The following KCNH8 variants were observed in gnomAD, a reference collection of about 807,000 sequenced individuals.
KCNH8 encodes the protein potassium voltage-gated channel subfamily H member 8, also known as voltage-gated delayed rectifier potassium channel KCNH8.
A neutral mutation model predicts 103.6 loss-of-function variants in KCNH8; 70 were observed. The observed-to-expected ratio is 0.68, with a 90% CI of 0.56 to 0.82. KCNH8 has a LOEUF of 0.82. Ranked by LOEUF, KCNH8 falls within the 40% of genes least tolerant of loss-of-function variation. The pLI is 0.00. For missense variants in KCNH8, 1,217 were observed against 1,329.9 expected, an observed-to-expected ratio of 0.92 and a Z score of 1.32; for synonymous variants, 498 against 489.4, an observed-to-expected ratio of 1.02 and a Z score of -0.23.
At chr3:19,507,851 T>G (rs2068722122) in intron 11 of KCNH8, among the ~76,000 whole-genome samples, 1 of 152,166 alleles carries the variant, frequency 6.6e-6, no homozygotes, top group Non-Finnish European at 1.5e-5. Context: ...AATGGCGGCT[T>G]GCCTCTGTGG....
At chr3:19,375,185 A>G (rs1054609196) in intron 5 of KCNH8, among the ~76,000 whole-genome samples, 1 of 152,014 alleles carries the variant, frequency 6.6e-6, no homozygotes, top group Non-Finnish European at 1.5e-5. Flanking sequence ...CTCCTGGATA[A>G]TATCCTGCAG....
chr3:19,232,811 G>A (rs1252787707), intron 1 of KCNH8, among the ~76,000 whole-genome samples: 2 of 152,072 alleles, frequency 1.3e-5, no homozygotes, highest in African/African-American at 4.8e-5. Context: ...AATTGGCATG[G>A]GTCACGTGTA....
chr3:19,440,560 T>C (rs1282550709), intron 8 of KCNH8, among the ~76,000 whole-genome samples: 1 of 152,104 alleles, frequency 6.6e-6, no homozygotes, highest in Non-Finnish European at 1.5e-5. Flanking sequence ...GCTTATTTAC[T>C]ATCAGGAGAA....
At chr3:19,225,483 A>AT (rs2063920575) in intron 1 of KCNH8, among the ~76,000 whole-genome samples, 1 of 152,104 alleles carries the variant, frequency 6.6e-6, no homozygotes. Flanking sequence ...GAATATGTTG[A>AT]TATAGGCCTA....
At chr3:19,291,145 T>G (rs1481494267) in intron 3 of KCNH8, among the ~76,000 whole-genome samples, 2 of 152,196 alleles carry the variant, frequency 1.3e-5, no homozygotes, top group South Asian at 2.1e-4. Context: ...TTCTTCTTTA[T>G]TAGTCTTGCT....
At position 19,451,365 on chromosome 3, in the gene KCNH8, A is replaced by G; in HGVS notation, c.1786A>G (p.Met596Val). 1 of 1,613,810 alleles carries G rather than the reference A, an allele frequency of 6.2e-7. No individual in the cohort carries two copies. Among genetic ancestry groups the G allele is most frequent in the Non-Finnish European group, 8.5e-7 (1 of 1,179,812 alleles). ...CATCTACTTTGTATGCTCGGGCTCC[A>G]TGGAAGTTCTTAAAGACAGCATGGT... Reference protein sequence around the residue: ...QAIYFVCSGSMEVLKDSMVLA... With the variant: ...QAIYFVCSGSVEVLKDSMVLA... Residue 596 changes from methionine to valine, a missense_variant, in exon 10 of 16, where the codon ATG becomes GTG. Physicochemically the swap from Met to Val is conservative, Grantham distance 21. Around this residue, in one of 3 missense-constraint regions of KCNH8, gnomAD observed 415 missense variants for 577.4 expected, o/e 0.72. Transcript: ENST00000328405.
intron 5 of KCNH8, among the ~76,000 whole-genome samples, chr3:19,357,818 A>T (rs1257344419): frequency 6.6e-6 from 1 of 151,934 alleles, no homozygotes. Context: ...AGGACATCTG[A>T]AAAAACAGGA....
At chr3:19,480,118 C>A (rs780159922) in intron 11 of KCNH8, among the ~76,000 whole-genome samples, 1 of 152,186 alleles carries the variant, frequency 6.6e-6, no homozygotes, top group Non-Finnish European at 1.5e-5. Context: ...CTATGCACCA[C>A]GTAAACAATG....
chr3:19,336,306 T>C (rs1280464004), intron 3 of KCNH8, among the ~76,000 whole-genome samples: 3 of 151,738 alleles, frequency 2.0e-5, no homozygotes, highest in African/African-American at 4.8e-5. Context: ...CTAATTTCTC[T>C]TAATATAAAA....
At chr3:19,206,217 C>T (rs868463876) in intron 1 of KCNH8, among the ~76,000 whole-genome samples, 1 of 124,314 alleles carries the variant, frequency 8.0e-6, no homozygotes, top group African/African-American at 5.0e-5. Context: ...ATATACATAC[C>T]ACAGTTATAT....
rs2063098762 is a variant in KCNH8, at chr3:19,148,630, T to C, written c.-90T>C. On this transcript the variant is annotated 5_prime_UTR_variant, in exon 1 of 16. Coordinates refer to ENST00000328405, the MANE Select transcript of KCNH8 (RefSeq NM_144633.3). ...GCCGGGTCCCCCTTCCCTGCCGTCA[T>C]CAGGTTCCCCTTCTCCCTTCTTGGC... is the stretch of plus-strand genomic sequence containing the variant. 4 of 1,281,040 alleles carry C rather than the reference T, an allele frequency of 3.1e-6. No individual in the cohort carries two copies. Among genetic ancestry groups the C allele is most frequent in the Non-Finnish European group, 1.1e-6 (1 of 875,608 alleles). 79.4% of individuals were successfully genotyped at this position (1,281,040 alleles called of 1,614,324 possible). A position where few individuals can be genotyped will look rare whatever the true frequency, so the allele number is the denominator to read the frequency against.
At chr3:19,338,395 A>G (rs763760566) in intron 3 of KCNH8, among the ~76,000 whole-genome samples, 1 of 151,840 alleles carries the variant, frequency 6.6e-6, no homozygotes, top group Non-Finnish European at 1.5e-5. Context: ...TTTGTTCCCT[A>G]CCACCACCAC....
chr3:19,370,994 T>TA (rs1469278199), intron 5 of KCNH8, among the ~76,000 whole-genome samples: 1 of 152,210 alleles, frequency 6.6e-6, no homozygotes, highest in Non-Finnish European at 1.5e-5. Flanking sequence ...CACATTTTCT[T>TA]AATCCAGTCT....
rs912087125 is a variant in KCNH8, at chr3:19,174,657, A to G, written c.76+25862A>G. On this transcript the variant is annotated intron_variant, in intron 1 of 15. Coordinates refer to ENST00000328405, the MANE Select transcript of KCNH8 (RefSeq NM_144633.3). ...CTGAAAACATGTTCTTTATTCAATT[A>G]GTTAGGCATTTACTACACGCTTTTG... 2.0e-5 allele frequency among the ~76,000 whole-genome samples: 3 copies of G among 152,046 alleles called. No individual in the cohort carries two copies. The East Asian group carries it at 5.8e-4, about 29-fold the overall frequency.
At chr3:19,428,894 C>T (rs1210053859) in intron 7 of KCNH8, among the ~76,000 whole-genome samples, 1 of 152,086 alleles carries the variant, frequency 6.6e-6, no homozygotes. Context: ...TTCTGCATTT[C>T]GCTGTGTTTC....
intron 11 of KCNH8, among the ~76,000 whole-genome samples, chr3:19,468,733 G>C (rs770102063): frequency 1.3e-5 from 2 of 152,084 alleles, no homozygotes. Flanking sequence ...ACGTCTACTT[G>C]AACCTCTTGG....
At chr3:19,473,147 C>T (rs1224470597) in intron 11 of KCNH8, among the ~76,000 whole-genome samples, 7 of 152,164 alleles carry the variant, frequency 4.6e-5, no homozygotes, top group Non-Finnish European at 1.0e-4. Context: ...CTTCTGCATA[C>T]AAGCCTAATA....
At chr3:19,334,092 A>G (rs1483074886) in intron 3 of KCNH8, among the ~76,000 whole-genome samples, 1 of 152,144 alleles carries the variant, frequency 6.6e-6, no homozygotes, top group African/African-American at 2.4e-5. Context: ...GTTGTCTCGA[A>G]TTGGGCAGAG....
intron 7 of KCNH8, among the ~76,000 whole-genome samples, chr3:19,436,126 ATTAT>A (rs1391053983): frequency 2.0e-5 from 3 of 152,236 alleles, no homozygotes; most frequent in South Asian, 2.1e-4. Context: ...TTTGAAATTG[ATTAT>A]TTATTTCATA....
Sources: gnomAD v4.1 joint callset for allele counts (sites outside exome capture counted in the v4.1 genomes callset) on GRCh38, gnomAD v4.1.1 for gene constraint, gnomAD v4.1.1 regional missense constraint, MANE v1.5 for transcripts, NCBI Gene and HGNC (gene_info 2026-07-23, HGNC 2026-07-21) for gene names.